Variants in GTF2E1 observed in about 807,000 individuals in gnomAD.
GTF2E1 encodes the protein general transcription factor IIE subunit 1.
GTF2E1 carries 14 observed loss-of-function variants against 34.9 expected under a neutral mutation model. The ratio of observed to expected loss-of-function variants is 0.40; its 90% CI spans 0.27 to 0.63. GTF2E1 has a LOEUF of 0.63. GTF2E1 is among the 20% of genes least tolerant of loss of function. The probability of loss-of-function intolerance (pLI) is 0.39; values close to 1 mark genes in which losing one functional copy is unlikely to be tolerated. For synonymous variants in GTF2E1, 188 were observed against 192.9 expected (o/e 0.97, Z 0.21); for missense variants, 469 against 557.7 (o/e 0.84, Z 1.60).
intron 3 of GTF2E1, among the ~76,000 whole-genome samples, chr3:120,773,281 G>C (rs1482485666): frequency 3.3e-5 from 5 of 152,142 alleles, no homozygotes; most frequent in African/African-American, 9.7e-5. Flanking sequence ...ATAGGAGTAT[G>C]AAGTTTTGAA....
intron 1 of GTF2E1, among the ~76,000 whole-genome samples, chr3:120,748,026 T>C (rs1485630371): frequency 3.3e-5 from 5 of 151,604 alleles, no homozygotes; most frequent in East Asian, 1.9e-4. Context: ...TTTCATGTGT[T>C]TTTTGGCTGC....
At position 120,753,526 on chromosome 3, in the gene GTF2E1, G is replaced by C. The variant is rs569238006; in HGVS notation, c.448+2526G>C. Reference sequence around the variant, plus strand: ...TTATGGTTTACATAAGCAATTAGGGGATATTCAGAAATTGGATTTGAAGCC... The same window carrying C: ...TTATGGTTTACATAAGCAATTAGGGCATATTCAGAAATTGGATTTGAAGCC... On this transcript the variant is annotated intron_variant, in intron 2 of 4. Coordinates refer to ENST00000283875, the MANE Select transcript of GTF2E1 (RefSeq NM_005513.3). 4.2e-4 allele frequency among the ~76,000 whole-genome samples: 64 copies of C among 152,236 alleles called. 1 individual carries two copies. The highest frequency in any genetic ancestry group is 1.5e-3 in the African/African-American group (63 of 41,540).
At chr3:120,759,441 A>G (rs373251221) in intron 2 of GTF2E1, among the ~76,000 whole-genome samples, 2 of 152,204 alleles carry the variant, frequency 1.3e-5, no homozygotes, top group South Asian at 2.1e-4. Flanking sequence ...TCTTTAGTAT[A>G]ATTAGATTCC....
At position 120,782,907 on chromosome 3, in the gene GTF2E1, C is replaced by A. The variant is rs1472884508; in HGVS notation, c.*1437C>A. On this transcript the variant is annotated 3_prime_UTR_variant, in exon 5 of 5. Coordinates refer to ENST00000283875, the MANE Select transcript of GTF2E1 (RefSeq NM_005513.3). Reference sequence around the variant, plus strand: ...AGAACTTTCACACAAGGGTCTGTAACAATTGTATATCTTACAATATTTTTC... The same window carrying A: ...AGAACTTTCACACAAGGGTCTGTAAAAATTGTATATCTTACAATATTTTTC... The A allele has an allele frequency of 1.3e-5, 2 of 152,184 alleles. No individual in the cohort carries two copies. The highest frequency in any genetic ancestry group is 2.9e-5 in the Non-Finnish European group (2 of 68,020). The allele number at this position is 152,184 out of a possible 1,614,324, so 9.4% of individuals were successfully genotyped here.
intron 2 of GTF2E1, among the ~76,000 whole-genome samples, chr3:120,763,236 A>T (rs1304246772): frequency 1.3e-5 from 2 of 152,160 alleles, no homozygotes; most frequent in African/African-American, 4.8e-5. Context: ...TTTAATATTC[A>T]TCCATGTATT....
At chr3:120,767,774 T>C (rs1016453895) in intron 2 of GTF2E1, among the ~76,000 whole-genome samples, 1 of 152,230 alleles carries the variant, frequency 6.6e-6, no homozygotes, top group Non-Finnish European at 1.5e-5. Context: ...TCAGCCCTTC[T>C]GTAAGTAACT....
At chr3:120,743,962 C>T (rs1214516984) in intron 1 of GTF2E1, among the ~76,000 whole-genome samples, 1 of 152,124 alleles carries the variant, frequency 6.6e-6, no homozygotes, top group African/African-American at 2.4e-5. Flanking sequence ...AGGCTGGGAT[C>T]TGACTCATGG....
chr3:120,776,533 T>C lies in GTF2E1; in HGVS notation c.761T>C (p.Val254Ala), dbSNP rs753832573. 8.7e-6 allele frequency: 14 copies of C among 1,614,028 alleles called. No individual in the cohort carries two copies. Among genetic ancestry groups the C allele is most frequent in the Non-Finnish European group, 1.2e-5 (14 of 1,179,932 alleles). Residue 254 changes from valine to alanine, a missense_variant, in exon 4 of 5, where the codon GTT becomes GCT. Physicochemically the swap from Val to Ala is moderately conservative, Grantham distance 64 (BLOSUM62 0). Transcript: ENST00000283875. ...PSYEDLYTQN[V>A]VINMDDQEDL... ...TATGAAGACTTATACACTCAGAATGTTGTCATTAACATGGATGACCAAGAA... is the reference window on the plus strand; with the variant it reads ...TATGAAGACTTATACACTCAGAATGCTGTCATTAACATGGATGACCAAGAA...
In GTF2E1 at chr3:120,777,789, G is replaced by A. The variant is rs555751893; in HGVS notation, c.892+1125G>A. Reference sequence around the variant, plus strand: ...TGCCTAGGTTGGAGTACAGTGGTGCGATCTTGGCTCACTGAAACCTCTGCT... The same window carrying A: ...TGCCTAGGTTGGAGTACAGTGGTGCAATCTTGGCTCACTGAAACCTCTGCT... On this transcript the variant is annotated intron_variant, in intron 4 of 4. Coordinates refer to ENST00000283875, the MANE Select transcript of GTF2E1 (RefSeq NM_005513.3). Among the ~76,000 whole-genome samples the A allele has an allele frequency of 7.2e-5, 11 of 152,308 alleles. 1 individual carries two copies. The South Asian group carries it at 1.7e-3, about 23-fold the overall frequency.
chr3:120,757,260 G>C (rs1709217580), intron 2 of GTF2E1, among the ~76,000 whole-genome samples: 1 of 152,154 alleles, frequency 6.6e-6, no homozygotes, highest in South Asian at 2.1e-4. Context: ...TTCCAGAATT[G>C]AGGAATGATG....
intron 2 of GTF2E1, among the ~76,000 whole-genome samples, chr3:120,757,112 A>T (rs891958684): frequency 6.6e-6 from 1 of 152,178 alleles, no homozygotes; most frequent in African/African-American, 2.4e-5. Flanking sequence ...TTGGTTCTGC[A>T]TGCTGAGATG....
At chr3:120,772,132 G>T (rs1709356937) in intron 3 of GTF2E1, among the ~76,000 whole-genome samples, 1 of 152,096 alleles carries the variant, frequency 6.6e-6, no homozygotes. Flanking sequence ...ATGTCCAAAT[G>T]CAGAAAAAGG....
intron 1 of GTF2E1, among the ~76,000 whole-genome samples, chr3:120,747,180 A>G (rs1559828781): frequency 6.6e-6 from 1 of 151,380 alleles, no homozygotes; most frequent in Non-Finnish European, 1.5e-5. Context: ...CTTGGCTCAC[A>G]GCAACCTCCA....
At chr3:120,777,190 C>G (rs1709408768) in intron 4 of GTF2E1, among the ~76,000 whole-genome samples, 1 of 152,148 alleles carries the variant, frequency 6.6e-6, no homozygotes, top group African/African-American at 2.4e-5. Flanking sequence ...TTGGAAATTT[C>G]TGAGGCATAA....
At chr3:120,770,340 C>G (rs971735284) in intron 2 of GTF2E1, among the ~76,000 whole-genome samples, 1 of 152,052 alleles carries the variant, frequency 6.6e-6, no homozygotes. Context: ...ATTTGGCTTT[C>G]CCCATAACGT....
intron 1 of GTF2E1, chr3:120,749,605 C>T (rs867518374): frequency 2.0e-5 from 3 of 152,090 alleles, no homozygotes; most frequent in Non-Finnish European, 4.4e-5. Flanking sequence ...GGATGAAGCC[C>T]ACTTGATCAT....
chr3:120,766,112 T>C (rs775404261), intron 2 of GTF2E1, among the ~76,000 whole-genome samples: 4 of 152,210 alleles, frequency 2.6e-5, no homozygotes, highest in Non-Finnish European at 5.9e-5. Context: ...GTTTATCATA[T>C]TGCTTAATAG....
intron 2 of GTF2E1, among the ~76,000 whole-genome samples, chr3:120,761,378 A>C (rs112448298): frequency 1.2e-4 from 19 of 152,042 alleles, no homozygotes; most frequent in African/African-American, 4.3e-4. Flanking sequence ...CAGCTCCTGG[A>C]TTCATTGATT....
At chr3:120,764,046 G>C (rs1709286848) in intron 2 of GTF2E1, among the ~76,000 whole-genome samples, 1 of 151,964 alleles carries the variant, frequency 6.6e-6, no homozygotes, top group Admixed American at 6.6e-5. Flanking sequence ...TTGCCTTTTT[G>C]CATGCTATTT....
Sources: gnomAD v4.1 joint callset for allele counts (sites outside exome capture counted in the v4.1 genomes callset) on GRCh38, gnomAD v4.1.1 for gene constraint, MANE v1.5 for transcripts, NCBI Gene and HGNC (gene_info 2026-07-23, HGNC 2026-07-21) for gene names.